Variants in MYO9A observed in about 807,000 individuals in gnomAD.
The protein encoded by MYO9A is unconventional myosin-IXa.
Under a neutral mutation model 293.3 loss-of-function variants are expected in MYO9A, and 103 were observed. The ratio of observed to expected loss-of-function variants is 0.35; its 90% confidence interval spans 0.30 to 0.41. The LOEUF (loss-of-function observed/expected upper bound fraction) is 0.41, where lower values mean the gene tolerates loss of function less well. Ranked by LOEUF, MYO9A falls within the 10% of genes least tolerant of loss-of-function variation. MYO9A has a pLI of 1.00. For missense variants in MYO9A, 2,685 were observed against 3,033.0 expected (o/e 0.89, Z 2.69); for synonymous variants, 1,001 against 1,035.7 (o/e 0.97, Z 0.64).
At chr15:71,952,247 T>C (rs886115500) in intron 14 of MYO9A, among the ~76,000 whole-genome samples, 3 of 152,170 alleles carry the variant, frequency 2.0e-5, no homozygotes, top group African/African-American at 7.2e-5. Context: ...TCAAATATAA[T>C]TAACATATAG....
chr15:71,922,414 T>G lies in MYO9A; in HGVS notation c.2563-5922A>C, dbSNP rs138608733. ...ACACATGTATACATTGAGTAGTGAT[T>G]AAATCAGGCTAAATAAAATATCTCA... On this transcript the variant is annotated intron_variant, in intron 18 of 41. Transcript: ENST00000356056. Among the ~76,000 whole-genome samples, 92 of 152,358 alleles carry G rather than the reference T, an allele frequency of 6.0e-4. 1 individual carries two copies. In the East Asian group the frequency reaches 0.017, roughly 29 times the overall value.
chr15:72,102,978 TG>T (rs112020831), intron 1 of MYO9A, among the ~76,000 whole-genome samples: 6,659 of 151,188 alleles, frequency 0.044, 252 homozygotes, highest in East Asian at 0.17. Context: ...TGGTTTTTTT[TG>T]TTGTTGTTTC....
At chr15:71,834,397 A>C (rs949192308) in intron 39 of MYO9A, among the ~76,000 whole-genome samples, 1 of 152,154 alleles carries the variant, frequency 6.6e-6, no homozygotes, top group Admixed American at 6.5e-5. Context: ...TCTTCCACAG[A>C]ATTAAAAAAG....
chr15:71,917,689 A>G (rs925396407), intron 18 of MYO9A, among the ~76,000 whole-genome samples: 2 of 152,206 alleles, frequency 1.3e-5, no homozygotes, highest in Non-Finnish European at 1.5e-5. Flanking sequence ...AGCCAATCAT[A>G]ATTTTTTAAA....
chr15:71,903,102 AG>A (rs757795849), intron 21 of MYO9A, 39 bp from the exon 22 acceptor site: 1 of 1,526,888 alleles, frequency 6.5e-7, no homozygotes, highest in Admixed American at 1.8e-5. Flanking sequence ...ATCAGAAAAC[AG>A]TGTATGTAAA....
At chr15:71,905,042 C>G (rs2057590605) in intron 19 of MYO9A, 36 bp from the exon 20 acceptor site, 1 of 1,503,818 alleles carries the variant, frequency 6.6e-7, no homozygotes, top group African/African-American at 1.4e-5. Flanking sequence ...CATACTCTTC[C>G]ATTCCAAACT....
Position 71,994,508 on chromosome 15 carries a change from A to C in MYO9A, c.1548T>G (p.His516Gln), listed in dbSNP as rs1299989019. 1.9e-6 allele frequency: 3 copies of C among 1,611,448 alleles called. No homozygotes were observed. The change falls in exon 10 of 42, where the codon CAT becomes CAG. Residue 516 changes from histidine (H) to glutamine (Q), a missense_variant. By Grantham distance (24) the His-to-Gln change is conservative. Around this residue, in one of 10 missense-constraint regions of MYO9A, gnomAD observed 201 missense variants for 245.2 expected, o/e 0.82. Transcript: ENST00000356056. The part of the protein sequence containing the change: ...LFDWIVFRIN[H>Q]ALLNSKDLEH... Reference sequence around the variant, plus strand: ...CTAAATCTTTACTATTCAGAAGTGCATGATTAATTCGAAAAACTATCCAGT... The same window carrying C: ...CTAAATCTTTACTATTCAGAAGTGCCTGATTAATTCGAAAAACTATCCAGT...
At chr15:71,965,437 T>C (rs2929533) in intron 13 of MYO9A, among the ~76,000 whole-genome samples, 140,627 of 152,262 alleles carry the variant, frequency 0.92, 65,331 homozygotes, top group Non-Finnish European at 0.97. Context: ...TTTTGCTTTA[T>C]ATATTTTAAA....
At chr15:71,995,747 T>C (rs2076680941) in intron 9 of MYO9A, among the ~76,000 whole-genome samples, 1 of 152,108 alleles carries the variant, frequency 6.6e-6, no homozygotes, top group Non-Finnish European at 1.5e-5. Context: ...AATTAAGAAC[T>C]AGAGTATCTT....
In MYO9A at chr15:71,853,220, C is replaced by CT. The variant is rs767120122; in HGVS notation, c.6347-961dup. ...GTTTTGGATTTGTCCACAGACCACA[C>CT]TTTGAGTAACAATGGTTTACATGAC... On this transcript the variant is annotated intron_variant, in intron 35 of 41. Coordinates refer to ENST00000356056, the MANE Select transcript of MYO9A (RefSeq NM_006901.4). Among the ~76,000 whole-genome samples, 14 of 152,352 alleles carry CT rather than the reference C, an allele frequency of 9.2e-5. No individual in the cohort carries two copies. In the East Asian group the frequency reaches 1.9e-3, roughly 21 times the overall value.
rs185692872 is a variant in MYO9A at position 72,072,139 on chromosome 15, T to C, written c.-71-25505A>G. Reference sequence around the variant, plus strand: ...AAAAAAGATACCTACATTCTTTTTCTTTTTTTTTTGGAGACGGAGTCTTGC... The same window carrying C: ...AAAAAAGATACCTACATTCTTTTTCCTTTTTTTTTGGAGACGGAGTCTTGC... On this transcript the variant is annotated intron_variant, in intron 1 of 41. Coordinates refer to ENST00000356056, the MANE Select transcript of MYO9A (RefSeq NM_006901.4). Among the ~76,000 whole-genome samples, 613 of 147,438 alleles carry C rather than the reference T, an allele frequency of 4.2e-3. 5 individuals are homozygous for C. Among genetic ancestry groups the C allele is most frequent in the African/African-American group, 0.014 (577 of 40,580 alleles).
chr15:71,899,649 A>G, intron 24 of MYO9A, 38 bp downstream of exon 24: 2 of 1,533,762 alleles, frequency 1.3e-6, no homozygotes, highest in Non-Finnish European at 8.8e-7. Flanking sequence ...GTACTTGGGA[A>G]GAAGAAAAAA....
chr15:72,116,629 T>A (rs1258693587), intron 1 of MYO9A, among the ~76,000 whole-genome samples: 26 of 151,968 alleles, frequency 1.7e-4, no homozygotes, highest in Non-Finnish European at 1.5e-4. Context: ...AAACAGTGAA[T>A]CCAAAAAAAG....
intron 12 of MYO9A, among the ~76,000 whole-genome samples, chr15:71,973,741 C>G (rs367818573): frequency 6.6e-6 from 1 of 152,140 alleles, no homozygotes; most frequent in Non-Finnish European, 1.5e-5. Context: ...TATCTACTTA[C>G]GAGGTTACAG....
chr15:71,939,199 A>C lies in MYO9A; in HGVS notation c.2303-272T>G, dbSNP rs545537505. ...AGGGTGACTGGACTGAAGGCCTAGA[A>C]GTGTACAAGTTCATTTTTATTTTTA... is the stretch of plus-strand genomic sequence containing the variant. On this transcript the variant is annotated intron_variant, in intron 15 of 41. Coordinates refer to ENST00000356056, the MANE Select transcript of MYO9A (RefSeq NM_006901.4). 2.6e-5 allele frequency among the ~76,000 whole-genome samples: 4 copies of C among 152,222 alleles called. No individual in the cohort carries two copies. In the South Asian group the frequency reaches 8.3e-4, roughly 32 times the overall value.
intron 1 of MYO9A, among the ~76,000 whole-genome samples, chr15:72,048,603 AC>A (rs2078463067): frequency 6.6e-6 from 1 of 151,894 alleles, no homozygotes; most frequent in Non-Finnish European, 1.5e-5. Context: ...CTATTTTTCC[AC>A]CCCTGAACCT....
chr15:72,051,915 C>A (rs941136621), intron 1 of MYO9A, among the ~76,000 whole-genome samples: 1 of 152,218 alleles, frequency 6.6e-6, no homozygotes, highest in Non-Finnish European at 1.5e-5. Context: ...CCAGGGAAGG[C>A]CTGAAGCCTG....
intron 2 of MYO9A, among the ~76,000 whole-genome samples, chr15:72,042,993 C>T (rs764809275): frequency 1.3e-5 from 2 of 151,950 alleles, no homozygotes; most frequent in Non-Finnish European, 2.9e-5. Flanking sequence ...TCACTCGAGC[C>T]TGGAGATCGA....
intron 1 of MYO9A, among the ~76,000 whole-genome samples, chr15:72,050,390 C>T (rs2957375): frequency 0.68 from 103,684 of 151,828 alleles, 36,266 homozygotes; most frequent in Non-Finnish European, 0.76. Flanking sequence ...GGATAGATCA[C>T]GAGGTCAGGA....
Sources: allele counts gnomAD v4.1 joint callset (sites outside exome capture counted in the v4.1 genomes callset), GRCh38; gene constraint gnomAD v4.1.1; regional missense constraint gnomAD v4.1.1; transcripts MANE v1.5; gene names NCBI Gene and HGNC (gene_info 2026-07-23, HGNC 2026-07-21).